Variants in HOOK3 observed in about 807,000 individuals in gnomAD.
HOOK3 encodes the protein hook microtubule tethering protein 3.
HOOK3 carries 24 observed loss-of-function variants against 116.3 expected under a neutral mutation model. The observed-to-expected ratio is 0.21, with a 90% confidence interval of 0.15 to 0.29. The LOEUF is 0.29. HOOK3 is among the 10% of genes least tolerant of loss of function. The probability of loss-of-function intolerance (pLI) is 1.00; values close to 1 mark genes in which losing one functional copy is unlikely to be tolerated. For synonymous variants in HOOK3, 275 were observed against 283.0 expected, an observed-to-expected ratio of 0.97 and a Z score of 0.28; for missense variants, 632 against 830.2, an observed-to-expected ratio of 0.76 and a Z score of 2.93.
At chr8:42,932,015 AGTGCCTGAGCCACT>A (rs1234786526) in intron 4 of HOOK3, among the ~76,000 whole-genome samples, 1 of 152,254 alleles carries the variant, frequency 6.6e-6, no homozygotes, top group African/African-American at 2.4e-5. Context: ...GGCCTCCCAA[AGTGCCTGAGCCACT>A]GTGCCTGGCC....
At chr8:43,012,071 T>A (rs1809624481) in intron 19 of HOOK3, among the ~76,000 whole-genome samples, 2 of 152,118 alleles carry the variant, frequency 1.3e-5, no homozygotes, top group Non-Finnish European at 2.9e-5. Context: ...ACGTATCTGA[T>A]CAGAGACAGA....
intron 2 of HOOK3, among the ~76,000 whole-genome samples, chr8:42,925,106 T>A (rs1169905886): frequency 2.0e-5 from 3 of 152,122 alleles, no homozygotes; most frequent in African/African-American, 4.8e-5. Flanking sequence ...GTTTTTTGTT[T>A]GTTTGTTTTG....
In HOOK3 at chr8:43,027,723, C is replaced by G. The variant is rs1344564757; in HGVS notation, c.*9225C>G. The G allele has an allele frequency of 5.7e-5, 12 of 211,746 alleles. No individual in the cohort carries two copies. In the East Asian group the frequency reaches 9.1e-4, roughly 16 times the overall value. 13.1% of individuals were successfully genotyped at this position (211,746 alleles called of 1,614,324 possible). A position where few individuals can be genotyped will look rare whatever the true frequency, so the allele number is the denominator to read the frequency against. Reference sequence around the variant, plus strand: ...TCCATTGTCTTCTTGTTAACCTAGACAAGAGTAGATTATTCAGTAGCCACA... The same window carrying G: ...TCCATTGTCTTCTTGTTAACCTAGAGAAGAGTAGATTATTCAGTAGCCACA... On this transcript the variant is annotated 3_prime_UTR_variant, in exon 22 of 22. Coordinates refer to ENST00000307602, the MANE Select transcript of HOOK3 (RefSeq NM_032410.4).
chr8:43,018,316 A>G, intron 21 of HOOK3, 42 bp from the exon 22 acceptor site: 1 of 1,533,166 alleles, frequency 6.5e-7, no homozygotes, highest in Non-Finnish European at 8.8e-7. Context: ...AGTATGTTCC[A>G]CTATTTTTTC....
At chr8:42,967,452 C>A (rs1281500437) in intron 10 of HOOK3, among the ~76,000 whole-genome samples, 1 of 152,126 alleles carries the variant, frequency 6.6e-6, no homozygotes, top group Admixed American at 6.5e-5. Flanking sequence ...CTGTTCAGGG[C>A]TAATTCCTTC....
rs1210523964 is a variant in HOOK3, at chr8:43,028,886, G to A, written c.*10388G>A. 4.9e-6 allele frequency: 1 copy of A among 202,352 alleles called. No individual in the cohort carries two copies. The highest frequency in any genetic ancestry group is 2.3e-5 in the African/African-American group (1 of 43,560). The allele number at this position is 202,352 out of a possible 1,614,324, so 12.5% of individuals were successfully genotyped here. On this transcript the variant is annotated 3_prime_UTR_variant, in exon 22 of 22. Transcript: ENST00000307602. ...ATTTTTGTAATCAAGCAACAGACTT[G>A]ATCCAGCAGTGTCGAATTCCAAGCA...
intron 4 of HOOK3, among the ~76,000 whole-genome samples, chr8:42,934,613 G>A (rs111428057): frequency 0.048 from 7,204 of 151,622 alleles, 346 homozygotes; most frequent in African/African-American, 0.12. Flanking sequence ...TCACTGTTCA[G>A]TTCCCACCCA....
At chr8:42,902,771 A>G (rs1332448914) in intron 1 of HOOK3, among the ~76,000 whole-genome samples, 1 of 152,202 alleles carries the variant, frequency 6.6e-6, no homozygotes, top group African/African-American at 2.4e-5. Context: ...CATCCTGTCT[A>G]AATTTACAGG....
Position 43,026,029 on chromosome 8 carries a change from T to G in HOOK3, c.*7531T>G, listed in dbSNP as rs983291697. 1.9e-5 allele frequency: 4 copies of G among 210,010 alleles called. No homozygotes were observed. Among genetic ancestry groups the G allele is most frequent in the Non-Finnish European group, 3.9e-5 (4 of 103,472 alleles). The allele number at this position is 210,010 out of a possible 1,614,324, so 13.0% of individuals were successfully genotyped here. ...TAGGTATCATGAGAAAAGCAACTCC[T>G]ACTTGAGAGAAAGAAGACTACCAAA... On this transcript the variant is annotated 3_prime_UTR_variant, in exon 22 of 22. Transcript: ENST00000307602.
chr8:42,990,128 T>C (rs1390575341), intron 15 of HOOK3, among the ~76,000 whole-genome samples: 1 of 151,886 alleles, frequency 6.6e-6, no homozygotes, highest in African/African-American at 2.4e-5. Flanking sequence ...TCTAAGTAGC[T>C]GGAACTATAG....
intron 19 of HOOK3, 70 bp from the exon 20 acceptor site, chr8:43,012,981 A>G: frequency 1.1e-6 from 1 of 907,484 alleles, no homozygotes; most frequent in Non-Finnish European, 1.7e-6. Flanking sequence ...AAAAATAGTC[A>G]TTCTTTTCTT....
At chr8:42,902,763 T>C (rs919489206) in intron 1 of HOOK3, among the ~76,000 whole-genome samples, 3 of 152,220 alleles carry the variant, frequency 2.0e-5, no homozygotes, top group African/African-American at 7.2e-5. Flanking sequence ...AGATGAAACA[T>C]CCTGTCTAAA....
intron 2 of HOOK3, among the ~76,000 whole-genome samples, chr8:42,925,259 G>A (rs776402500): frequency 2.0e-5 from 3 of 151,738 alleles, no homozygotes; most frequent in African/African-American, 7.3e-5. Flanking sequence ...CACCACACCC[G>A]GCTAATTTTT....
intron 5 of HOOK3, among the ~76,000 whole-genome samples, chr8:42,948,392 T>A (rs1808274792): frequency 6.6e-6 from 1 of 152,238 alleles, no homozygotes. Flanking sequence ...TAAATTTTTT[T>A]ATTTAAAAAA....
intron 17 of HOOK3, among the ~76,000 whole-genome samples, chr8:43,006,425 C>T (rs1809490305): frequency 6.6e-6 from 1 of 152,100 alleles, no homozygotes; most frequent in African/African-American, 2.4e-5. Context: ...AGCAATTCTC[C>T]CACCTTAGCC....
At chr8:43,012,222 G>A (rs973723334) in intron 19 of HOOK3, among the ~76,000 whole-genome samples, 1 of 152,204 alleles carries the variant, frequency 6.6e-6, no homozygotes, top group Admixed American at 6.5e-5. Flanking sequence ...TGCAAACATT[G>A]TAGAGTGTAC....
chr8:42,909,007 A>G (rs984820458), intron 2 of HOOK3, among the ~76,000 whole-genome samples: 1 of 152,226 alleles, frequency 6.6e-6, no homozygotes, highest in Non-Finnish European at 1.5e-5. Flanking sequence ...AAGGACTTGA[A>G]TAAACATTTT....
At position 43,018,510 on chromosome 8, in the gene HOOK3, C is replaced by G. The variant is rs768843271; in HGVS notation, c.*12C>G. On this transcript the variant is annotated 3_prime_UTR_variant, in exon 22 of 22. Coordinates refer to ENST00000307602, the MANE Select transcript of HOOK3 (RefSeq NM_032410.4). ...CCACAGCAAGGTAGAGAAGTTGTGC[C>G]GCTCAATCACAGACACCTGCACCCA... 38 of 1,600,280 alleles carry G rather than the reference C, an allele frequency of 2.4e-5. No individual in the cohort carries two copies. The Admixed American group carries it at 6.8e-4, about 29-fold the overall frequency.
intron 8 of HOOK3, 84 bp downstream of exon 8, chr8:42,959,398 CAT>C (rs754961470): frequency 3.5e-5 from 31 of 890,484 alleles, no homozygotes; most frequent in Non-Finnish European, 5.2e-5. Context: ...TCATACAGTA[CAT>C]CTTAACTATA....
Sources: gnomAD v4.1 joint callset for allele counts (sites outside exome capture counted in the v4.1 genomes callset) on GRCh38, gnomAD v4.1.1 for gene constraint, MANE v1.5 for transcripts, NCBI Gene and HGNC (gene_info 2026-07-23, HGNC 2026-07-21) for gene names.